Variants in ROBO2 observed in about 807,000 individuals in gnomAD.
ROBO2 encodes the protein roundabout homolog 2.
ROBO2 carries 53 observed loss-of-function variants against 160.8 expected under a neutral mutation model. The ratio of observed to expected loss-of-function variants is 0.33; its 90% CI spans 0.26 to 0.41. ROBO2 has a LOEUF of 0.41. ROBO2 is among the 10% of genes least tolerant of loss of function. The pLI is 1.00. For synonymous variants in ROBO2, 664 were observed against 611.7 expected (o/e 1.09, Z -1.26); for missense variants, 1,577 against 1,722.4 (o/e 0.92, Z 1.49).
chr3:77,555,887 G>T (rs955951556), intron 8 of ROBO2, among the ~76,000 whole-genome samples: 1 of 151,614 alleles, frequency 6.6e-6, no homozygotes, highest in Non-Finnish European at 1.5e-5. Context: ...ATTATGTCTG[G>T]CCAGGAGATT....
At chr3:76,087,956 G>A (rs1313272718) in intron 2 of ROBO2, among the ~76,000 whole-genome samples, 1 of 151,954 alleles carries the variant, frequency 6.6e-6, no homozygotes, top group Non-Finnish European at 1.5e-5. Context: ...GAAACTACAA[G>A]CAATTATATG....
At chr3:76,735,666 G>T (rs1237090008) in intron 2 of ROBO2, among the ~76,000 whole-genome samples, 1 of 151,430 alleles carries the variant, frequency 6.6e-6, no homozygotes, top group African/African-American at 2.4e-5. Flanking sequence ...AGAGGCTGAG[G>T]TGAGGGGATG....
intron 1 of ROBO2, among the ~76,000 whole-genome samples, chr3:77,062,894 G>A (rs1483298698): frequency 1.3e-5 from 2 of 152,108 alleles, no homozygotes; most frequent in East Asian, 3.9e-4. Context: ...GAATTAGTTT[G>A]TATATGTATG....
chr3:76,800,738 G>T (rs546785029), intron 2 of ROBO2, among the ~76,000 whole-genome samples: 1 of 152,160 alleles, frequency 6.6e-6, no homozygotes, highest in African/African-American at 2.4e-5. Context: ...GCTGGTGGGG[G>T]TATGGAGAAA....
chr3:75,986,508 T>C (rs1425297413), intron 2 of ROBO2, among the ~76,000 whole-genome samples: 1 of 151,706 alleles, frequency 6.6e-6, no homozygotes, highest in East Asian at 1.9e-4. Flanking sequence ...CGTTTTATTC[T>C]GATGATAGTA....
At chr3:76,217,716 G>A (rs149039871) in intron 2 of ROBO2, among the ~76,000 whole-genome samples, 215 of 152,128 alleles carry the variant, frequency 1.4e-3, no homozygotes, top group African/African-American at 4.9e-3. Flanking sequence ...GATATACAGC[G>A]GAATTCTACC....
chr3:76,125,591 T>C (rs759516919), intron 2 of ROBO2, among the ~76,000 whole-genome samples: 6 of 152,096 alleles, frequency 3.9e-5, no homozygotes, highest in Non-Finnish European at 7.4e-5. Flanking sequence ...ATTTCTCTGA[T>C]AATTAGTGAT....
chr3:76,900,633 C>T (rs777912655), intron 2 of ROBO2, among the ~76,000 whole-genome samples: 82 of 152,280 alleles, frequency 5.4e-4, no homozygotes, highest in African/African-American at 1.8e-3. Context: ...TTGGGACCAA[C>T]GCTGCTAGAC....
At chr3:76,402,055 AC>A (rs1172300239) in intron 2 of ROBO2, among the ~76,000 whole-genome samples, 1 of 151,608 alleles carries the variant, frequency 6.6e-6, no homozygotes, top group Non-Finnish European at 1.5e-5. Context: ...TCTCTGAAAG[AC>A]AGAAAATGCT....
At chr3:77,440,277 C>A (rs1456468016) in intron 2 of ROBO2, among the ~76,000 whole-genome samples, 1 of 152,104 alleles carries the variant, frequency 6.6e-6, no homozygotes, top group Middle Eastern at 3.2e-3. Context: ...CTTATTGAAT[C>A]CAGGCTTTGT....
intron 2 of ROBO2, among the ~76,000 whole-genome samples, chr3:76,822,395 T>C (rs1292177317): frequency 6.6e-6 from 1 of 152,052 alleles, no homozygotes; most frequent in Non-Finnish European, 1.5e-5. Flanking sequence ...CCATAAACTT[T>C]AATTTTATTA....
intron 2 of ROBO2, among the ~76,000 whole-genome samples, chr3:77,421,884 G>C (rs1225453271): frequency 6.6e-6 from 1 of 151,808 alleles, no homozygotes; most frequent in Admixed American, 6.6e-5. Context: ...TAAAAAACAA[G>C]ATCTGCTGTC....
At chr3:77,359,060 C>G (rs1291361852) in intron 2 of ROBO2, among the ~76,000 whole-genome samples, 1 of 152,344 alleles carries the variant, frequency 6.6e-6, no homozygotes, top group East Asian at 1.9e-4. Flanking sequence ...GATTAGCTCT[C>G]TTTCTCACCC....
chr3:76,702,787 C>T (rs1560408013), intron 2 of ROBO2, among the ~76,000 whole-genome samples: 1 of 151,648 alleles, frequency 6.6e-6, no homozygotes, highest in Non-Finnish European at 1.5e-5. Flanking sequence ...GGAGATAAAA[C>T]AAAAAAAGTC....
chr3:76,961,157 A>G (rs2079618915), intron 2 of ROBO2, among the ~76,000 whole-genome samples: 2 of 151,126 alleles, frequency 1.3e-5, no homozygotes, highest in African/African-American at 4.9e-5. Context: ...AGAATCTGCC[A>G]TAAGGTTTGT....
At chr3:76,814,310 G>A (rs2065476867) in intron 2 of ROBO2, among the ~76,000 whole-genome samples, 1 of 152,128 alleles carries the variant, frequency 6.6e-6, no homozygotes, top group African/African-American at 2.4e-5. Context: ...AAGAATGGCA[G>A]AGGTAAGTGA....
At chr3:77,429,240 C>T (rs571026146) in intron 2 of ROBO2, among the ~76,000 whole-genome samples, 1 of 152,134 alleles carries the variant, frequency 6.6e-6, no homozygotes, top group Non-Finnish European at 1.5e-5. Context: ...CATTTTATTT[C>T]TCCATTTACT....
At position 76,802,307 on chromosome 3, in the gene ROBO2, G is replaced by A. The variant is rs148687177; in HGVS notation, c.110-295707G>A. 1.4e-3 allele frequency among the ~76,000 whole-genome samples: 218 copies of A among 152,280 alleles called. 1 individual carries two copies. Among genetic ancestry groups the A allele is most frequent in the African/African-American group, 5.1e-3 (212 of 41,556 alleles). ...AAATGAGATTTTTCCCGTGTTATAG[G>A]AAATGATTATTCTGAATAAATGGTA... On this transcript the variant is annotated intron_variant, in intron 2 of 26. Coordinates refer to the ROBO2 transcript ENST00000487694.
chr3:77,133,748 T>A (rs374290682), intron 2 of ROBO2, among the ~76,000 whole-genome samples: 43 of 152,340 alleles, frequency 2.8e-4, no homozygotes, highest in African/African-American at 1.0e-3. Context: ...ATTTCTAAAA[T>A]ACAACTATAA....
Sources: gnomAD v4.1 joint callset for allele counts (sites outside exome capture counted in the v4.1 genomes callset) on GRCh38, gnomAD v4.1.1 for gene constraint, MANE v1.5 for transcripts, NCBI Gene and HGNC (gene_info 2026-07-23, HGNC 2026-07-21) for gene names.